The following TRRAP variants were observed in gnomAD, a reference collection of about 807,000 sequenced individuals.
TRRAP encodes transformation/transcription domain associated protein, also known as transformation/transcription domain-associated protein.
TRRAP carries 41 observed loss-of-function variants against 438.8 expected under a neutral mutation model. The observed-to-expected ratio is 0.09, with a 90% CI of 0.07 to 0.12. The LOEUF (loss-of-function observed/expected upper bound fraction) is 0.12. TRRAP is among the 10% of genes least tolerant of loss of function. The pLI is 1.00. For synonymous variants in TRRAP, 1,994 were observed against 1,962.9 expected (o/e 1.02, Z -0.42); for missense variants, 3,122 against 5,055.1 (o/e 0.62, Z 11.60).
At chr7:98,949,960 T>C in intron 37 of TRRAP, 104 bp from the exon 38 acceptor site, 1 of 1,570,300 alleles carries the variant, frequency 6.4e-7, no homozygotes, top group Non-Finnish European at 8.7e-7. Context: ...AGATTGGTTG[T>C]GGAGAATGGG....
chr7:98,884,910 G>T (rs1795623698), intron 3 of TRRAP, among the ~76,000 whole-genome samples: 1 of 152,096 alleles, frequency 6.6e-6, no homozygotes, highest in African/African-American at 2.4e-5. Flanking sequence ...CTCGTATTTT[G>T]CACAACTTTT....
Position 98,918,822 on chromosome 7 carries a change from G to T in TRRAP, c.2622+1143G>T, listed in dbSNP as rs376090880. On this transcript the variant is annotated intron_variant, in intron 20 of 72. Coordinates refer to ENST00000456197, the MANE Select transcript of TRRAP (RefSeq NM_001375524.1). ...TGTAATCCCAGCACTATGGGAGGCT[G>T]AGACAGGCAGATCACTTGAGTCCTG... Among the ~76,000 whole-genome samples the T allele has an allele frequency of 1.2e-4, 18 of 152,078 alleles. No homozygotes were observed. The South Asian group carries it at 3.3e-3, about 28-fold the overall frequency.
In TRRAP at chr7:98,897,862, G is replaced by A. The variant is rs782299041; in HGVS notation, c.629G>A (p.Arg210Gln). Residue 210 changes from arginine to glutamine, a missense_variant, in exon 8 of 73, where the codon CGA becomes CAA. By Grantham distance (43) the Arg-to-Gln change is conservative. Transcript: ENST00000456197. ...CCGGAGCGTGAGGACAGTGAGACTC[G>A]AACAGTAAGTGTTTCGCTGAGTTAT... ...VNPEREDSET[R>Q]THSIIPRGSL... 8.7e-6 allele frequency: 14 copies of A among 1,613,832 alleles called. No homozygotes were observed. Among genetic ancestry groups the A allele is most frequent in the African/African-American group, 1.3e-5 (1 of 74,858 alleles).
chr7:98,915,303 T>A (rs1425177177), intron 18 of TRRAP, among the ~76,000 whole-genome samples: 6 of 152,068 alleles, frequency 3.9e-5, no homozygotes, highest in African/African-American at 7.2e-5. Context: ...AGCAATTCTC[T>A]TGCCTCAGCC....
chr7:98,894,701 C>T (rs1189737552), intron 6 of TRRAP, among the ~76,000 whole-genome samples: 1 of 150,910 alleles, frequency 6.6e-6, no homozygotes, highest in African/African-American at 2.4e-5. Flanking sequence ...CAACCTCTGC[C>T]TCCCGGATTC....
rs782754671 is a variant in TRRAP at position 98,925,086 on chromosome 7, G to A, written c.2824-26G>A. ...CAATCATGTAATTTCAGCACAAACT[G>A]TAGTTTCTTTGTGTCTTGGTTGTAG... On this transcript the variant is annotated intron_variant, in intron 21 of 72. Transcript: ENST00000456197. 3 of 1,592,648 alleles carry A rather than the reference G, an allele frequency of 1.9e-6. No individual in the cohort carries two copies. In the East Asian group the frequency reaches 6.7e-5, roughly 36 times the overall value.
intron 19 of TRRAP, among the ~76,000 whole-genome samples, chr7:98,916,308 T>G (rs1169134858): frequency 6.6e-6 from 1 of 152,206 alleles, no homozygotes; most frequent in African/African-American, 2.4e-5. Flanking sequence ...ACAGTTAGTT[T>G]ATATTTTCAT....
Position 98,981,903 on chromosome 7 carries a change from C to T in TRRAP, c.8769C>T (p.Ile2923=). The T allele has an allele frequency of 6.2e-7, 1 of 1,610,014 alleles. No homozygotes were observed. The change falls in exon 59 of 73, where the codon ATC becomes ATT. Residue 2923 remains isoleucine (I), a synonymous_variant. Coordinates refer to ENST00000456197, the MANE Select transcript of TRRAP (RefSeq NM_001375524.1). The part of the protein sequence containing the change: ...RLVEMASSLA[I]REWRRLPHVV... ...TGGAGATGGCCAGCAGCCTGGCCAT[C>T]CGCGAGTGGCGGCGGCTGCCCCACG... is the stretch of plus-strand genomic sequence containing the variant.
In TRRAP at chr7:99,011,157, T is replaced by A. The variant is rs1479492225; in HGVS notation, c.11044T>A (p.Phe3682Ile). The A allele has an allele frequency of 6.2e-7, 1 of 1,614,116 alleles. No individual in the cohort carries two copies. Among genetic ancestry groups the A allele is most frequent in the Admixed American group, 1.7e-5 (1 of 60,010 alleles). Residue 3682 changes from phenylalanine to isoleucine, a missense_variant, in exon 71 of 73, where the codon TTC becomes ATC. This residue lies in a region of TRRAP where 192 missense variants were observed against 355.6 expected (regional missense o/e 0.54). Transcript: ENST00000456197. The surrounding 1 kb of genome is among the most constrained non-coding windows in gnomAD (Gnocchi z 7.1). ...CCCCAATGCCACGGACTACTGGACG[T>A]TCCGGAAGATGTTCACCATCCAGCT... ...TFPNATDYWT[F>I]RKMFTIQLAL...
chr7:98,915,960 C>G (rs782264490), intron 19 of TRRAP, 72 bp downstream of exon 19: 88 of 1,577,102 alleles, frequency 5.6e-5, no homozygotes, highest in Non-Finnish European at 7.5e-5. Context: ...ATCCTGATTG[C>G]TGGGTTTCAT....
chr7:98,969,884 G>A (rs1326136698), intron 51 of TRRAP, among the ~76,000 whole-genome samples: 5 of 152,170 alleles, frequency 3.3e-5, no homozygotes, highest in African/African-American at 9.7e-5. Context: ...GCAGGACCTG[G>A]TGTGTGCTAT....
chr7:98,950,218 G>A lies in TRRAP; in HGVS notation c.5290G>A (p.Val1764Ile), dbSNP rs140278334. ...AQKRALFFRFVDFNDPNFGDE... is the reference protein window; with the variant it reads ...AQKRALFFRFIDFNDPNFGDE... ...GAAACGTGCCCTGTTCTTTCGCTTTGTAGACTTCAACGACCCCAACTTCGG... is the reference window on the plus strand; with the variant it reads ...GAAACGTGCCCTGTTCTTTCGCTTTATAGACTTCAACGACCCCAACTTCGG... The change falls in exon 38 of 73, where the codon GTA becomes ATA. Residue 1764 changes from valine (V) to isoleucine (I), a missense_variant. Transcript: ENST00000456197. The A allele has an allele frequency of 4.3e-6, 7 of 1,614,066 alleles. No homozygotes were observed. The highest frequency in any genetic ancestry group is 1.3e-5 in the African/African-American group (1 of 74,912).
rs1349604912 is a variant in TRRAP, at chr7:98,958,101, C to A, written c.6342+10C>A. ...CCGCGTGGCCTGTCAGGTACGGGAT[C>A]CAAGTGCCCTGCGTTAGGGCTTCTG... On this transcript the variant is annotated intron_variant, in intron 44 of 72. Transcript: ENST00000456197. 3.1e-6 allele frequency: 5 copies of A among 1,612,320 alleles called. No individual in the cohort carries two copies. Among genetic ancestry groups the A allele is most frequent in the Non-Finnish European group, 4.2e-6 (5 of 1,178,930 alleles).
chr7:98,903,868 C>T (rs1016821210), intron 12 of TRRAP, among the ~76,000 whole-genome samples: 3 of 152,132 alleles, frequency 2.0e-5, no homozygotes. Context: ...AGAGCTTGTG[C>T]AGGGAAACTC....
chr7:98,970,337 G>A (rs561450470), intron 52 of TRRAP, 46 bp downstream of exon 52: 93 of 1,592,822 alleles, frequency 5.8e-5, no homozygotes, highest in African/African-American at 2.4e-4. Context: ...AGGAGGTGAG[G>A]CCCCACACCC....
intron 67 of TRRAP, among the ~76,000 whole-genome samples, chr7:98,996,920 A>C (rs1793687398): frequency 6.6e-6 from 1 of 152,214 alleles, no homozygotes; most frequent in Non-Finnish European, 1.5e-5. Flanking sequence ...CCTCTTTGAC[A>C]ATCCAGAAAC....
chr7:98,910,005 T>C, intron 14 of TRRAP, 51 bp from the exon 15 acceptor site: 1 of 1,522,178 alleles, frequency 6.6e-7, no homozygotes, highest in African/African-American at 1.4e-5. Context: ...GTATTTGGCC[T>C]GTTGAAGAAG....
intron 23 of TRRAP, among the ~76,000 whole-genome samples, chr7:98,928,834 CGTG>C (rs1329461356): frequency 1.3e-5 from 2 of 149,488 alleles, no homozygotes; most frequent in African/African-American, 4.9e-5. Context: ...AGTGCAGTGG[CGTG>C]GTCATGGCTC....
At chr7:98,972,882 A>G (rs542647425) in intron 53 of TRRAP, among the ~76,000 whole-genome samples, 1 of 152,332 alleles carries the variant, frequency 6.6e-6, no homozygotes, top group African/African-American at 2.4e-5. Flanking sequence ...CATCTTGGAT[A>G]AGGATAAAAT....
Sources: gnomAD v4.1 joint callset for allele counts (sites outside exome capture counted in the v4.1 genomes callset) on GRCh38, gnomAD v4.1.1 for gene constraint, gnomAD v4.1.1 regional missense constraint, Gnocchi (gnomAD v3.1) non-coding constraint, MANE v1.5 for transcripts, NCBI Gene and HGNC (gene_info 2026-07-23, HGNC 2026-07-21) for gene names.